The following LIG3 variants were observed in gnomAD, a reference collection of about 807,000 sequenced individuals.
LIG3 encodes DNA ligase 3, also known as ligase II, DNA, ATP-dependent.
LIG3 carries 58 observed loss-of-function variants against 110.9 expected under a neutral mutation model. That is an observed-to-expected ratio of 0.52 (90% CI 0.42 to 0.65). The LOEUF is 0.65. LIG3 is among the 30% of genes least tolerant of loss of function. LIG3 has a pLI of 0.00. For synonymous variants in LIG3, 422 were observed against 472.8 expected, an observed-to-expected ratio of 0.89 and a Z score of 1.39; for missense variants, 1,094 against 1,273.8, an observed-to-expected ratio of 0.86 and a Z score of 2.15.
intron 14 of LIG3, 150 bp downstream of exon 14, chr17:34,998,877 AC>A: frequency 9.1e-6 from 8 of 881,454 alleles, no homozygotes; most frequent in Non-Finnish European, 1.3e-5. Flanking sequence ...GGCCTGAGTC[AC>A]CTCAGGCAGA....
chr17:34,997,028 G>C (rs1262685978), intron 11 of LIG3: 1 of 182,666 alleles, frequency 5.5e-6, no homozygotes, highest in Non-Finnish European at 1.2e-5. Context: ...ACCCCTAGGG[G>C]CTCCAGTGGC....
At position 34,980,611 on chromosome 17, in the gene LIG3, C is replaced by G. The variant is rs1339944197; in HGVS notation, c.-16C>G. On this transcript the variant is annotated 5_prime_UTR_variant, in exon 1 of 20. Coordinates refer to ENST00000378526, the MANE Select transcript of LIG3 (RefSeq NM_013975.4). ...CCGAGGCCTACGGTGAGCGCCGGAG[C>G]CGGAGAGGCAGGTGAGGGGCTACGC... 2 of 1,284,294 alleles carry G rather than the reference C, an allele frequency of 1.6e-6. No homozygotes were observed. The highest frequency in any genetic ancestry group is 2.3e-5 in the Admixed American group (1 of 43,058). The allele number at this position is 1,284,294 out of a possible 1,614,324, so 79.6% of individuals were successfully genotyped here.
intron 7 of LIG3, 83 bp from the exon 8 acceptor site, chr17:34,992,441 C>A: frequency 7.2e-7 from 1 of 1,380,072 alleles, no homozygotes; most frequent in Non-Finnish European, 9.9e-7. Flanking sequence ...AGGATTTCTT[C>A]TGTGAGGACA....
rs920874854 is a variant in LIG3, at chr17:35,008,320, A to AAGTT, written c.*3824_*3827dup. 1 of 152,264 alleles carries AAGTT rather than the reference A, an allele frequency of 6.6e-6. No individual in the cohort carries two copies. Among genetic ancestry groups the AAGTT allele is most frequent in the Non-Finnish European group, 1.5e-5 (1 of 68,058 alleles). The allele number at this position is 152,264 out of a possible 1,614,324, so 9.4% of individuals were successfully genotyped here. ...ATATATTACATTTGTGGTCTTGAGC[A>AAGTT]AGTTAGTTAGTTACAACAACACTGA... On this transcript the variant is annotated 3_prime_UTR_variant, in exon 20 of 20. Transcript: ENST00000378526.
At chr17:34,990,516 T>A (rs1248880575) in intron 4 of LIG3, among the ~76,000 whole-genome samples, 1 of 152,208 alleles carries the variant, frequency 6.6e-6, no homozygotes, top group East Asian at 1.9e-4. Context: ...CTGGATTCAA[T>A]TAATCTGCCT....
At chr17:34,980,744 G>C in intron 1 of LIG3, 122 bp downstream of exon 1, 1 of 440,296 alleles carries the variant, frequency 2.3e-6, no homozygotes, top group Non-Finnish European at 3.0e-6. Context: ...CCGCCCGCCT[G>C]CGGAGCCCCG....
rs4986974 is a variant in LIG3 at position 35,002,686 on chromosome 17, A to C, written c.2693A>C (p.Lys898Thr). Residue 898 changes from lysine to threonine, a missense_variant, in exon 19 of 20, where the codon AAG becomes ACG. By Grantham distance (78) the Lys-to-Thr change is moderately conservative. Coordinates refer to ENST00000378526, the MANE Select transcript of LIG3 (RefSeq NM_013975.4). ...NSKDGNMQTAKPSAMKVGEKL... is the reference protein window; with the variant it reads ...NSKDGNMQTATPSAMKVGEKL... ...CCTGCAGGCAACATGCAGACTGCAA[A>C]GCCTTCCGCTATGAAGGTGGGGGAG... is the stretch of plus-strand genomic sequence containing the variant. 1.9e-6 allele frequency: 3 copies of C among 1,613,568 alleles called. No individual in the cohort carries two copies. The East Asian group carries it at 6.7e-5, about 36-fold the overall frequency.
intron 1 of LIG3, 124 bp from the exon 2 acceptor site, chr17:34,982,878 A>G: frequency 1.5e-6 from 1 of 686,584 alleles, no homozygotes; most frequent in Non-Finnish European, 2.3e-6. Flanking sequence ...TGAATGTAAT[A>G]CTTTGGAAAG....
At position 34,980,627 on chromosome 17, in the gene LIG3, G is replaced by A. The variant is rs1268937012; in HGVS notation, c.-5+5G>A. ...GCGCCGGAGCCGGAGAGGCAGGTGAGGGGCTACGCGGCGCGGCACGGCGCG... is the reference window on the plus strand; with the variant it reads ...GCGCCGGAGCCGGAGAGGCAGGTGAAGGGCTACGCGGCGCGGCACGGCGCG... On this transcript the variant is annotated splice_donor_5th_base_variant and intron_variant, in intron 1 of 19. Coordinates refer to ENST00000378526, the MANE Select transcript of LIG3 (RefSeq NM_013975.4). The A allele has an allele frequency of 1.6e-6, 2 of 1,265,680 alleles. No individual in the cohort carries two copies. Among genetic ancestry groups the A allele is most frequent in the South Asian group, 1.3e-5 (1 of 78,444 alleles). The allele number at this position is 1,265,680 out of a possible 1,614,324, so 78.4% of individuals were successfully genotyped here.
In LIG3 at chr17:35,004,576, A is replaced by T. The variant is rs2090880527; in HGVS notation, c.*70A>T. On this transcript the variant is annotated 3_prime_UTR_variant, in exon 20 of 20. Coordinates refer to ENST00000378526, the MANE Select transcript of LIG3 (RefSeq NM_013975.4). ...TACTACTGGACTGGACTCAGGCTGG[A>T]GGCAGATAGACACAGTATAGGGGGA... 9.2e-6 allele frequency: 12 copies of T among 1,304,414 alleles called. No individual in the cohort carries two copies. Among genetic ancestry groups the T allele is most frequent in the Non-Finnish European group, 1.3e-5 (12 of 909,240 alleles). The allele number at this position is 1,304,414 out of a possible 1,614,324, so 80.8% of individuals were successfully genotyped here.
chr17:34,998,825 C>A, intron 14 of LIG3, 98 bp downstream of exon 14: 2 of 1,436,480 alleles, frequency 1.4e-6, no homozygotes, highest in Non-Finnish European at 1.9e-6. Flanking sequence ...CCAGCATGGC[C>A]AGTTATGACT....
chr17:34,989,626 G>T lies in LIG3; in HGVS notation c.852G>T (p.Gln284His), dbSNP rs1341803561. Residue 284 changes from glutamine (Q) to histidine (H), a missense_variant, in exon 4 of 20, where the codon CAG becomes CAT. Coordinates refer to ENST00000378526, the MANE Select transcript of LIG3 (RefSeq NM_013975.4). ...ADNPSYNTKTQIIQDFLRKGS... is the reference protein window; with the variant it reads ...ADNPSYNTKTHIIQDFLRKGS... ...ATCCTAGCTACAACACGAAGACCCAGATCATCCAGGACTTCCTTCGGAAAG... is the reference window on the plus strand; with the variant it reads ...ATCCTAGCTACAACACGAAGACCCATATCATCCAGGACTTCCTTCGGAAAG... 1 of 1,614,036 alleles carries T rather than the reference G, an allele frequency of 6.2e-7. No individual in the cohort carries two copies. The highest frequency in any genetic ancestry group is 1.3e-5 in the African/African-American group (1 of 74,918).
chr17:34,992,121 T>A, intron 7 of LIG3, 86 bp downstream of exon 7: 1 of 1,193,268 alleles, frequency 8.4e-7, no homozygotes, highest in Non-Finnish European at 1.2e-6. Context: ...TGAGTCCCAG[T>A]CAGGATTTGA....
intron 18 of LIG3, 134 bp downstream of exon 18, chr17:35,002,238 A>G (rs370133278): frequency 3.5e-5 from 28 of 792,626 alleles, no homozygotes; most frequent in Non-Finnish European, 4.9e-5. Context: ...GACACAGACT[A>G]CATTCCTGGT....
At chr17:34,996,386 G>A in intron 10 of LIG3, 188 bp from the exon 11 acceptor site, 1 of 809,396 alleles carries the variant, frequency 1.2e-6, no homozygotes, top group South Asian at 1.8e-5. Context: ...TTGGGAACCA[G>A]TTTATAACTG....
intron 16 of LIG3, 47 bp from the exon 17 acceptor site, chr17:35,001,210 A>G (rs779094348): frequency 6.3e-7 from 1 of 1,596,324 alleles, no homozygotes; most frequent in Non-Finnish European, 8.6e-7. Flanking sequence ...CCGGCCACTG[A>G]TACTATCTTC....
chr17:35,005,163 T>G lies in LIG3; in HGVS notation c.*657T>G. 2 of 363,698 alleles carry G rather than the reference T, an allele frequency of 5.5e-6. No individual in the cohort carries two copies. The highest frequency in any genetic ancestry group is 1.1e-5 in the Non-Finnish European group (2 of 184,634). 22.5% of individuals were successfully genotyped at this position (363,698 alleles called of 1,614,324 possible). A position where few individuals can be genotyped will look rare whatever the true frequency, so the allele number is the denominator to read the frequency against. On this transcript the variant is annotated 3_prime_UTR_variant, in exon 20 of 20. Coordinates refer to ENST00000378526, the MANE Select transcript of LIG3 (RefSeq NM_013975.4). Reference sequence around the variant, plus strand: ...GGGGCCTTTATGAAGAAAGGGGAGGTTATTTGGGCCACTCCTCTGGAGGGA... The same window carrying G: ...GGGGCCTTTATGAAGAAAGGGGAGGGTATTTGGGCCACTCCTCTGGAGGGA...
In LIG3 at chr17:35,006,316, C is replaced by A. The variant is rs990317866; in HGVS notation, c.*1810C>A. On this transcript the variant is annotated 3_prime_UTR_variant, in exon 20 of 20. Transcript: ENST00000378526. ...TGAAGTTCTTATTTTAATTCAACTT[C>A]AAATGGTCACATGTCACTAGTGACT... 6 of 155,230 alleles carry A rather than the reference C, an allele frequency of 3.9e-5. No individual in the cohort carries two copies. Among genetic ancestry groups the A allele is most frequent in the African/African-American group, 1.4e-4 (6 of 41,468 alleles). 9.6% of individuals were successfully genotyped at this position (155,230 alleles called of 1,614,324 possible). A position where few individuals can be genotyped will look rare whatever the true frequency, so the allele number is the denominator to read the frequency against.
chr17:34,998,457 G>C, intron 13 of LIG3, 147 bp from the exon 14 acceptor site: 1 of 1,134,286 alleles, frequency 8.8e-7, no homozygotes, highest in Non-Finnish European at 1.3e-6. Context: ...GGACTGCTTT[G>C]TGTGTCTCCT....
Sources: allele counts gnomAD v4.1 joint callset (sites outside exome capture counted in the v4.1 genomes callset), GRCh38; gene constraint gnomAD v4.1.1; transcripts MANE v1.5; gene names NCBI Gene and HGNC (gene_info 2026-07-23, HGNC 2026-07-21).